Variants in NSUN7 observed in about 807,000 individuals in gnomAD.
NSUN7 encodes the protein protein NSUN7.
Under a neutral mutation model 58.5 loss-of-function variants are expected in NSUN7, and 39 were observed. That is an observed-to-expected ratio of 0.67 (90% CI 0.52 to 0.87). The LOEUF is 0.87. NSUN7 is among the 40% of genes least tolerant of loss of function. The probability of loss-of-function intolerance (pLI) is 0.00; values close to 1 mark genes in which losing one functional copy is unlikely to be tolerated. For synonymous variants in NSUN7, 278 were observed against 303.7 expected (o/e 0.92, Z 0.88); for missense variants, 765 against 844.1 (o/e 0.91, Z 1.16).
intron 4 of NSUN7, among the ~76,000 whole-genome samples, chr4:40,761,862 C>T (rs923703085): frequency 2.0e-5 from 3 of 152,082 alleles, no homozygotes; most frequent in Non-Finnish European, 4.4e-5. Context: ...GTAAAATGCT[C>T]AGTTAGAACC....
chr4:40,791,971 G>C (rs940402333), intron 8 of NSUN7, among the ~76,000 whole-genome samples: 1 of 152,198 alleles, frequency 6.6e-6, no homozygotes, highest in Non-Finnish European at 1.5e-5. Context: ...AGGTGGGTTA[G>C]CACATTTTCC....
Position 40,798,780 on chromosome 4 carries a change from A to T in NSUN7, c.1283-7A>T, listed in dbSNP as rs1161249582. On this transcript the variant is annotated splice_region_variant and splice_polypyrimidine_tract_variant and intron_variant, in intron 9 of 11. Coordinates refer to ENST00000381782, the MANE Select transcript of NSUN7 (RefSeq NM_024677.6). ...TGTTACAGTCATTGCATCTTCTTCT[A>T]ATATAGTTACTAAAGCTCAAGCAGT... The T allele has an allele frequency of 6.6e-7, 1 of 1,508,000 alleles. No individual in the cohort carries two copies. The highest frequency in any genetic ancestry group is 1.7e-4 in the Middle Eastern group (1 of 5,860). 93.4% of individuals were successfully genotyped at this position (1,508,000 alleles called of 1,614,324 possible). A position where few individuals can be genotyped will look rare whatever the true frequency, so the allele number is the denominator to read the frequency against.
chr4:40,760,393 G>A (rs774105134), intron 2 of NSUN7, 41 bp from the exon 3 acceptor site: 17 of 1,496,546 alleles, frequency 1.1e-5, no homozygotes, highest in African/African-American at 2.8e-5. Context: ...TTCATTTTCC[G>A]CTTTGTATTT....
At chr4:40,753,920 T>A (rs768591589) in intron 2 of NSUN7, among the ~76,000 whole-genome samples, 11 of 152,120 alleles carry the variant, frequency 7.2e-5, no homozygotes, top group Non-Finnish European at 1.5e-4. Context: ...CCTTTCACCT[T>A]CCGCCATGAT....
chr4:40,777,005 C>T (rs527832074), intron 7 of NSUN7, among the ~76,000 whole-genome samples: 4 of 152,210 alleles, frequency 2.6e-5, no homozygotes, highest in East Asian at 1.9e-4. Context: ...ATAGGTTCAG[C>T]GAGGCTGAAA....
chr4:40,790,033 CTT>C (rs1414169383), intron 7 of NSUN7, among the ~76,000 whole-genome samples: 2 of 146,108 alleles, frequency 1.4e-5, no homozygotes, highest in African/African-American at 5.0e-5. Context: ...GGACTGGAAA[CTT>C]ATAAGTGCTT....
chr4:40,755,264 T>C (rs374606275), intron 2 of NSUN7, among the ~76,000 whole-genome samples: 3 of 152,196 alleles, frequency 2.0e-5, no homozygotes, highest in African/African-American at 4.8e-5. Context: ...TAATTTTTTG[T>C]ATTTTTAGTA....
chr4:40,786,040 C>CAGTT, intron 7 of NSUN7: 1 of 1,512,058 alleles, frequency 6.6e-7, no homozygotes, highest in African/African-American at 1.4e-5. Flanking sequence ...ATAGCTGGAT[C>CAGTT]AGTTACCAGG....
chr4:40,768,980 T>A (rs1741868556), intron 4 of NSUN7, among the ~76,000 whole-genome samples: 1 of 152,196 alleles, frequency 6.6e-6, no homozygotes, highest in Admixed American at 6.5e-5. Context: ...AAACCATTTA[T>A]TCTGATGTCT....
chr4:40,782,730 A>G (rs922364308), intron 7 of NSUN7, among the ~76,000 whole-genome samples: 1 of 150,950 alleles, frequency 6.6e-6, no homozygotes, highest in Non-Finnish European at 1.5e-5. Flanking sequence ...TTAACCAGCC[A>G]TGGTGGCACA....
chr4:40,806,804 A>G (rs1743823234), intron 10 of NSUN7, among the ~76,000 whole-genome samples: 1 of 152,132 alleles, frequency 6.6e-6, no homozygotes. Flanking sequence ...AGTTTGTTAA[A>G]CATTTGTTAT....
Position 40,768,204 on chromosome 4 carries a change from C to CT in NSUN7, c.489-6046dup, listed in dbSNP as rs761378053. 5.6e-3 allele frequency among the ~76,000 whole-genome samples: 777 copies of CT among 138,726 alleles called. 6 individuals carry two copies. Among genetic ancestry groups the CT allele is most frequent in the East Asian group, 0.018 (88 of 4,832 alleles). 91.0% of individuals were successfully genotyped at this position (138,726 alleles called of 152,430 possible). On this transcript the variant is annotated intron_variant, in intron 4 of 11. Transcript: ENST00000381782. ...GGATAAAGACTAATTCTTTTTTTTT[C>CT]TTTTTTTTTTTTTTTGAGACGGACT...
chr4:40,809,609 C>G lies in NSUN7; in HGVS notation c.*670C>G, dbSNP rs1203975175. 1 of 152,164 alleles carries G rather than the reference C, an allele frequency of 6.6e-6. No individual in the cohort carries two copies. The highest frequency in any genetic ancestry group is 1.5e-5 in the Non-Finnish European group (1 of 68,034). 9.4% of individuals were successfully genotyped at this position (152,164 alleles called of 1,614,324 possible). A position where few individuals can be genotyped will look rare whatever the true frequency, so the allele number is the denominator to read the frequency against. On this transcript the variant is annotated 3_prime_UTR_variant, in exon 12 of 12. Coordinates refer to ENST00000381782, the MANE Select transcript of NSUN7 (RefSeq NM_024677.6). ...TGGACACAATCATCTCTCCCTTCCT[C>G]TATGTCAAGCACTGTTACAAAAGAC... is the stretch of plus-strand genomic sequence containing the variant.
rs61269224 is a variant in NSUN7 at position 40,799,078 on chromosome 4, T to TGTTTG, written c.1400+174_1400+175insGTTTG. Among the ~76,000 whole-genome samples the TGTTTG allele has an allele frequency of 2.9e-4, 37 of 129,182 alleles. 2 individuals carry two copies. Among genetic ancestry groups the TGTTTG allele is most frequent in the African/African-American group, 1.1e-3 (37 of 33,018 alleles). The allele number at this position is 129,182 out of a possible 152,430, so 84.7% of individuals were successfully genotyped here. A position where few individuals can be genotyped will look rare whatever the true frequency, so the allele number is the denominator to read the frequency against. On this transcript the variant is annotated intron_variant, in intron 10 of 11. Coordinates refer to ENST00000381782, the MANE Select transcript of NSUN7 (RefSeq NM_024677.6). ...AGATTCCATAGGGCCTTTTTCTTTT[T>TGTTTG]TTTTTTTTTTTTTTTTTTTTTTTTA...
intron 8 of NSUN7, among the ~76,000 whole-genome samples, chr4:40,791,397 A>G (rs1352936383): frequency 6.6e-6 from 1 of 152,222 alleles, no homozygotes; most frequent in Non-Finnish European, 1.5e-5. Flanking sequence ...GGATTATTTC[A>G]GTAAGTCTTC....
intron 2 of NSUN7, among the ~76,000 whole-genome samples, chr4:40,756,518 T>C (rs1446014953): frequency 6.6e-6 from 1 of 152,178 alleles, no homozygotes; most frequent in Non-Finnish European, 1.5e-5. Flanking sequence ...ATTATCGGTG[T>C]GGTGTATTTG....
intron 2 of NSUN7, among the ~76,000 whole-genome samples, chr4:40,759,735 A>G (rs555974263): frequency 2.6e-5 from 4 of 152,320 alleles, no homozygotes; most frequent in African/African-American, 9.6e-5. Flanking sequence ...AACATACAAC[A>G]AAAATTCTAA....
intron 7 of NSUN7, chr4:40,786,026 T>G (rs1201350830): frequency 4.0e-6 from 6 of 1,499,516 alleles, no homozygotes; most frequent in Non-Finnish European, 5.4e-6. Context: ...AGTTAGTCAG[T>G]CTTATAGCTG....
At position 40,799,089 on chromosome 4, in the gene NSUN7, T is replaced by TTTTG. The variant is rs1560563942; in HGVS notation, c.1400+188_1400+189insGTTT. Among the ~76,000 whole-genome samples the TTTTG allele has an allele frequency of 2.9e-3, 401 of 140,188 alleles. 29 individuals carry two copies. The highest frequency in any genetic ancestry group is 0.01 in the African/African-American group (372 of 36,788). 92.0% of individuals were successfully genotyped at this position (140,188 alleles called of 152,430 possible). A position where few individuals can be genotyped will look rare whatever the true frequency, so the allele number is the denominator to read the frequency against. The stretch of plus-strand genomic sequence containing the variant: ...GGCCTTTTTCTTTTTTTTTTTTTTT[T>TTTTG]TTTTTTTTTTTTTAAAGATGGAATC... On this transcript the variant is annotated intron_variant, in intron 10 of 11. Transcript: ENST00000381782.
Sources: allele counts gnomAD v4.1 joint callset (sites outside exome capture counted in the v4.1 genomes callset), GRCh38; gene constraint gnomAD v4.1.1; transcripts MANE v1.5; gene names NCBI Gene and HGNC (gene_info 2026-07-23, HGNC 2026-07-21).